The following CSMD2 variants were observed in gnomAD, a reference collection of about 807,000 sequenced individuals.
CSMD2 encodes CUB and Sushi multiple domains 2, also known as CUB and sushi domain-containing protein 2.
In CSMD2, 130 loss-of-function variants were observed where a neutral mutation model predicts 398.5. That is an observed-to-expected ratio of 0.33 (90% confidence interval 0.28 to 0.38). The LOEUF (loss-of-function observed/expected upper bound fraction) is 0.38, where lower values mean the gene tolerates loss of function less well. Among genes scored for constraint, CSMD2 ranks in the 10% least tolerant of loss-of-function variants. CSMD2 has a pLI of 1.00. For synonymous variants in CSMD2, 1,828 were observed against 1,908.5 expected, an observed-to-expected ratio of 0.96 and a Z score of 1.10; for missense variants, 3,829 against 4,764.9, an observed-to-expected ratio of 0.80 and a Z score of 5.78.
intron 3 of CSMD2, among the ~76,000 whole-genome samples, chr1:34,001,197 A>C (rs1435420871): frequency 4.6e-5 from 7 of 152,232 alleles, no homozygotes; most frequent in Non-Finnish European, 5.9e-5. Context: ...GATTATATGG[A>C]AGATCACAGA....
chr1:33,917,764 A>G (rs1643799367), intron 5 of CSMD2, among the ~76,000 whole-genome samples: 1 of 152,214 alleles, frequency 6.6e-6, no homozygotes, highest in African/African-American at 2.4e-5. Context: ...ATGGAACAAT[A>G]TTTTGAATCA....
intron 5 of CSMD2, among the ~76,000 whole-genome samples, chr1:33,878,707 G>A (rs1205710381): frequency 6.6e-6 from 1 of 152,208 alleles, no homozygotes; most frequent in Non-Finnish European, 1.5e-5. Flanking sequence ...GACACCTTAG[G>A]GAGGCCTGAG....
chr1:33,544,419 C>T (rs1003929206), intron 57 of CSMD2, among the ~76,000 whole-genome samples: 1 of 152,036 alleles, frequency 6.6e-6, no homozygotes, highest in Non-Finnish European at 1.5e-5. Flanking sequence ...GCCCGGCCTC[C>T]ATATTTGTCT....
chr1:34,146,096 C>T (rs1037818844), intron 1 of CSMD2, among the ~76,000 whole-genome samples: 2 of 152,124 alleles, frequency 1.3e-5, no homozygotes, highest in Non-Finnish European at 2.9e-5. Flanking sequence ...CTCTGTCACC[C>T]AGGCTGGAGT....
intron 32 of CSMD2, among the ~76,000 whole-genome samples, chr1:33,631,455 G>T (rs1642462830): frequency 6.6e-6 from 1 of 152,156 alleles, no homozygotes; most frequent in Non-Finnish European, 1.5e-5. Flanking sequence ...GCCTAGAGGA[G>T]CCAGGAGAAT....
chr1:33,540,754 C>G, intron 59 of CSMD2, 56 bp from the exon 60 acceptor site: 1 of 1,593,458 alleles, frequency 6.3e-7, no homozygotes, highest in Admixed American at 1.7e-5. Context: ...AACCAGCCCC[C>G]GTCACCATCA....
intron 12 of CSMD2, among the ~76,000 whole-genome samples, chr1:33,786,651 A>T (rs749002552): frequency 5.9e-5 from 9 of 152,202 alleles, no homozygotes; most frequent in Non-Finnish European, 1.0e-4. Context: ...TCTCTGTTTC[A>T]CAGATGAAGA....
Position 33,535,711 on chromosome 1 carries a change from G to A in CSMD2, c.9879+1311C>T, listed in dbSNP as rs182200778. On this transcript the variant is annotated intron_variant, in intron 62 of 70. Coordinates refer to ENST00000373381, the MANE Select transcript of CSMD2 (RefSeq NM_001281956.2). ...ACATTTCCTTATCCTCCCTCACGGG[G>A]CTGCAGACTTGCTAGCTGGCCTACT... Among the ~76,000 whole-genome samples the A allele has an allele frequency of 3.0e-3, 458 of 152,278 alleles. 2 individuals are homozygous for A. The highest frequency in any genetic ancestry group is 0.024 in the Middle Eastern group (7 of 294).
chr1:33,914,762 T>C (rs915263518), intron 5 of CSMD2, among the ~76,000 whole-genome samples: 2 of 152,202 alleles, frequency 1.3e-5, no homozygotes, highest in African/African-American at 4.8e-5. Context: ...CACATACTGT[T>C]ATTTATGTGT....
In CSMD2 at chr1:33,534,793, T is replaced by C. The variant is rs181469084; in HGVS notation, c.9880-886A>G. ...AATGGCACCTTTATCCATGCAGTTG[T>C]GCAAATAAAAAACCTCAAGTCATCT... On this transcript the variant is annotated intron_variant, in intron 62 of 70. Transcript: ENST00000373381. 2.1e-3 allele frequency among the ~76,000 whole-genome samples: 322 copies of C among 152,310 alleles called. 1 individual carries two copies. Among genetic ancestry groups the C allele is most frequent in the African/African-American group, 7.6e-3 (315 of 41,556 alleles).
intron 3 of CSMD2, among the ~76,000 whole-genome samples, chr1:34,007,152 C>G (rs560899831): frequency 6.6e-6 from 1 of 152,078 alleles, no homozygotes; most frequent in Non-Finnish European, 1.5e-5. Flanking sequence ...TGGCCCGCCT[C>G]GACCTGAAGC....
chr1:33,517,629 T>C (rs1001301838), intron 70 of CSMD2, among the ~76,000 whole-genome samples: 2 of 151,978 alleles, frequency 1.3e-5, no homozygotes, highest in African/African-American at 4.8e-5. Flanking sequence ...ACTTGAGGAG[T>C]AATTTTGGCA....
chr1:33,772,506 C>G (rs1195894534), intron 13 of CSMD2, 63 bp downstream of exon 13: 1 of 1,514,576 alleles, frequency 6.6e-7, no homozygotes, highest in East Asian at 2.3e-5. Flanking sequence ...CCTGGATTAG[C>G]TAGGAAACGG....
rs1239957342 is a variant in CSMD2 at position 33,516,526 on chromosome 1, C to T, written c.*98G>A. ...GCAAGGAGACGAACGAAGATGGGCA[C>T]TGGGCACTGTGCTCAGGGGAGCCTA... On this transcript the variant is annotated 3_prime_UTR_variant, in exon 71 of 71. Coordinates refer to ENST00000373381, the MANE Select transcript of CSMD2 (RefSeq NM_001281956.2). The T allele has an allele frequency of 6.6e-6, 1 of 152,402 alleles. No homozygotes were observed. The highest frequency in any genetic ancestry group is 1.5e-5 in the Non-Finnish European group (1 of 68,228). The allele number at this position is 152,402 out of a possible 1,614,324, so 9.4% of individuals were successfully genotyped here. A position where few individuals can be genotyped will look rare whatever the true frequency, so the allele number is the denominator to read the frequency against.
intron 5 of CSMD2, among the ~76,000 whole-genome samples, chr1:33,900,722 G>T (rs952411830): frequency 6.6e-6 from 1 of 151,902 alleles, no homozygotes; most frequent in African/African-American, 2.4e-5. Context: ...AGAGGTTGCA[G>T]TGAGCTGAGA....
At chr1:33,543,958 T>G (rs1656608563) in intron 57 of CSMD2, among the ~76,000 whole-genome samples, 1 of 152,200 alleles carries the variant, frequency 6.6e-6, no homozygotes, top group East Asian at 1.9e-4. Flanking sequence ...TCCCATCCAT[T>G]GCCATTATTA....
chr1:33,959,366 G>C (rs1386379556), intron 3 of CSMD2, among the ~76,000 whole-genome samples: 1 of 152,122 alleles, frequency 6.6e-6, no homozygotes, highest in Non-Finnish European at 1.5e-5. Flanking sequence ...AGATATTTAA[G>C]TCAGAAACGA....
At chr1:33,528,591 T>C (rs185878997) in intron 64 of CSMD2, among the ~76,000 whole-genome samples, 39 of 152,346 alleles carry the variant, frequency 2.6e-4, no homozygotes, top group African/African-American at 8.9e-4. Context: ...AAGCATCTTA[T>C]GTGCGAGGTG....
intron 40 of CSMD2, 125 bp from the exon 41 acceptor site, chr1:33,611,375 G>T: frequency 7.4e-6 from 6 of 815,188 alleles, no homozygotes; most frequent in South Asian, 3.4e-5. Flanking sequence ...CCCAGCCAAG[G>T]CTCCTAGAAC....
Sources: gnomAD v4.1 joint callset for allele counts (sites outside exome capture counted in the v4.1 genomes callset) on GRCh38, gnomAD v4.1.1 for gene constraint, MANE v1.5 for transcripts, NCBI Gene and HGNC (gene_info 2026-07-23, HGNC 2026-07-21) for gene names.